NRP1: variants seen among roughly 807,000 people sequenced by gnomAD.
NRP1 encodes the protein neuropilin 1.
NRP1 carries 35 observed loss-of-function variants against 106.7 expected under a neutral mutation model. The ratio of observed to expected loss-of-function variants is 0.33; its 90% confidence interval spans 0.25 to 0.43. The LOEUF is 0.43. NRP1 is among the 20% of genes least tolerant of loss of function. NRP1 has a pLI of 1.00. For synonymous variants in NRP1, 437 were observed against 417.9 expected (o/e 1.05, Z -0.56); for missense variants, 1,024 against 1,170.4 (o/e 0.87, Z 1.83).
At chr10:33,271,428 A>G (rs1466094039) in intron 2 of NRP1, among the ~76,000 whole-genome samples, 1 of 152,252 alleles carries the variant, frequency 6.6e-6, no homozygotes, top group Non-Finnish European at 1.5e-5. Context: ...CACATCCAAT[A>G]GTTAAAACAC....
chr10:33,307,484 A>AT (rs1254688454), intron 2 of NRP1, among the ~76,000 whole-genome samples: 2 of 152,140 alleles, frequency 1.3e-5, no homozygotes, highest in African/African-American at 4.8e-5. Context: ...AATTTGTGCC[A>AT]TAAAAAAAAA....
chr10:33,219,161 C>T (rs919904044), intron 8 of NRP1, among the ~76,000 whole-genome samples: 9 of 152,178 alleles, frequency 5.9e-5, no homozygotes, highest in African/African-American at 1.4e-4. Flanking sequence ...TTTAGTCTAA[C>T]GGGTACCATT....
At chr10:33,304,375 G>A (rs1302096575) in intron 2 of NRP1, among the ~76,000 whole-genome samples, 2 of 152,092 alleles carry the variant, frequency 1.3e-5, no homozygotes, top group Non-Finnish European at 2.9e-5. Context: ...AGGAAACCTC[G>A]GAGAGTTTTG....
intron 2 of NRP1, among the ~76,000 whole-genome samples, chr10:33,319,588 C>CTTTTT (rs35886672): frequency 6.9e-5 from 8 of 115,614 alleles, no homozygotes; most frequent in African/African-American, 1.7e-4. Flanking sequence ...TTCTTTCTTT[C>CTTTTT]TTTTTTTTTT....
chr10:33,233,414 A>G (rs1840312338), intron 6 of NRP1, among the ~76,000 whole-genome samples: 1 of 152,214 alleles, frequency 6.6e-6, no homozygotes, highest in African/African-American at 2.4e-5. Context: ...AGAAGCACAC[A>G]TTTTACCAGG....
intron 10 of NRP1, 104 bp from the exon 11 acceptor site, chr10:33,203,099 G>T: frequency 1.8e-6 from 2 of 1,131,358 alleles, no homozygotes; most frequent in Non-Finnish European, 2.5e-6. Context: ...TTAATCTGCG[G>T]TAAGAAGACC....
chr10:33,181,538 A>C (rs1835685268), intron 16 of NRP1, among the ~76,000 whole-genome samples: 1 of 152,214 alleles, frequency 6.6e-6, no homozygotes, highest in Non-Finnish European at 1.5e-5. Context: ...GCTGTGAGTG[A>C]TGGTGGAGCA....
At chr10:33,261,780 GGC>G (rs1842591226) in intron 4 of NRP1, among the ~76,000 whole-genome samples, 1 of 152,086 alleles carries the variant, frequency 6.6e-6, no homozygotes, top group South Asian at 2.1e-4. Flanking sequence ...CTGTTCCCCA[GGC>G]TGGAGTGCAG....
chr10:33,261,946 G>A (rs1293572411), intron 4 of NRP1, among the ~76,000 whole-genome samples: 1 of 152,196 alleles, frequency 6.6e-6, no homozygotes, highest in African/African-American at 2.4e-5. Flanking sequence ...CTGTTGGCCA[G>A]TCTGGTCTCG....
chr10:33,240,100 G>C (rs2269091), intron 6 of NRP1, among the ~76,000 whole-genome samples: 1 of 151,992 alleles, frequency 6.6e-6, no homozygotes, highest in African/African-American at 2.4e-5. Context: ...CTGAGAAGCA[G>C]CCTCACAAAA....
chr10:33,246,917 A>G (rs1176683206), intron 6 of NRP1, among the ~76,000 whole-genome samples: 1 of 152,166 alleles, frequency 6.6e-6, no homozygotes, highest in Non-Finnish European at 1.5e-5. Flanking sequence ...TCTGAATACA[A>G]CACTATGGAC....
intron 2 of NRP1, among the ~76,000 whole-genome samples, chr10:33,285,758 G>A (rs1349622982): frequency 2.6e-5 from 4 of 152,080 alleles, no homozygotes; most frequent in Admixed American, 6.6e-5. Context: ...GCTTGAACCC[G>A]GGAGGCTGAG....
chr10:33,329,324 A>C (rs912827063), intron 2 of NRP1, among the ~76,000 whole-genome samples: 44 of 152,200 alleles, frequency 2.9e-4, no homozygotes, highest in African/African-American at 1.1e-3. Context: ...TTATTTGGAA[A>C]CTGGTCATCA....
chr10:33,209,187 G>A (rs1052030222), intron 9 of NRP1, among the ~76,000 whole-genome samples: 4 of 152,154 alleles, frequency 2.6e-5, no homozygotes, highest in South Asian at 2.1e-4. Flanking sequence ...GATTATAGGC[G>A]TGAACCCCCA....
At chr10:33,305,013 T>C (rs1444477352) in intron 2 of NRP1, among the ~76,000 whole-genome samples, 1 of 152,248 alleles carries the variant, frequency 6.6e-6, no homozygotes, top group East Asian at 1.9e-4. Flanking sequence ...TTGTGCTCCA[T>C]GATGGTGTGT....
At chr10:33,325,599 TATTCTCTGAAAATAAAAGAC>T in intron 2 of NRP1, among the ~76,000 whole-genome samples, 1 of 152,332 alleles carries the variant, frequency 6.6e-6, no homozygotes, top group East Asian at 1.9e-4. Context: ...CATAAGTTTA[TATTCTCTGAAAATAAAAGAC>T]ATTAGCACTG....
chr10:33,256,443 T>C lies in NRP1; in HGVS notation c.687A>G (p.Gly229=), dbSNP rs761975790. 135 of 1,614,058 alleles carry C rather than the reference T, an allele frequency of 8.4e-5. No individual in the cohort carries two copies. Among genetic ancestry groups the C allele is most frequent in the Admixed American group, 1.7e-4 (10 of 60,002 alleles). ...DVGPHIGRYC[G]QKTPGRIRSS... is the part of the protein sequence containing the mutation. Reference sequence around the variant, plus strand: ...ATCGGATTCGACCTGGTGTTTTCTGTCCACAGTAACGCCCAATGTGAGGGC... The same window carrying C: ...ATCGGATTCGACCTGGTGTTTTCTGCCCACAGTAACGCCCAATGTGAGGGC... The change falls in exon 5 of 17, where the codon GGA becomes GGG. Residue 229 remains glycine, a synonymous_variant. Coordinates refer to ENST00000374867, the MANE Select transcript of NRP1 (RefSeq NM_003873.7).
intron 6 of NRP1, among the ~76,000 whole-genome samples, chr10:33,233,667 A>G (rs1414193137): frequency 6.6e-6 from 1 of 152,196 alleles, no homozygotes; most frequent in Non-Finnish European, 1.5e-5. Flanking sequence ...AGCGTTTACC[A>G]GCTTTTAACA....
intron 6 of NRP1, among the ~76,000 whole-genome samples, chr10:33,230,047 C>G (rs16934232): frequency 0.26 from 40,175 of 151,968 alleles, 5,965 homozygotes; most frequent in East Asian, 0.62. Context: ...GCAACTAAAA[C>G]CGGATAGTAC....
Sources: gnomAD v4.1 joint callset for allele counts (sites outside exome capture counted in the v4.1 genomes callset) on GRCh38, gnomAD v4.1.1 for gene constraint, MANE v1.5 for transcripts, NCBI Gene and HGNC (gene_info 2026-07-23, HGNC 2026-07-21) for gene names.